Variants in IMMP1L observed in about 807,000 individuals in gnomAD.
The protein encoded by IMMP1L is mitochondrial inner membrane protease subunit 1.
IMMP1L carries 24 observed loss-of-function variants against 21.8 expected under a neutral mutation model. The observed-to-expected ratio is 1.10, with a 90% CI of 0.80 to 1.55. The LOEUF is 1.55. Ranked by LOEUF, IMMP1L falls within the 40% of genes most tolerant of loss-of-function variation. The pLI, the probability that IMMP1L is intolerant of heterozygous loss-of-function variation, is 0.00. For synonymous variants in IMMP1L, 46 were observed against 62.8 expected (o/e 0.73, Z 1.26); for missense variants, 195 against 200.7 (o/e 0.97, Z 0.17).
chr11:31,448,706 TAC>T (rs1953625993), intron 4 of IMMP1L, among the ~76,000 whole-genome samples: 1 of 152,290 alleles, frequency 6.6e-6, no homozygotes, highest in Non-Finnish European at 1.5e-5. Flanking sequence ...TTCAAACATA[TAC>T]ATATAAAATA....
intron 4 of IMMP1L, among the ~76,000 whole-genome samples, chr11:31,451,305 T>C (rs142333157): frequency 0.01 from 1,581 of 152,028 alleles, 69 homozygotes; most frequent in Admixed American, 0.082. Context: ...GAGAGTATAA[T>C]GGAAAGGGTA....
chr11:31,477,168 CAA>C (rs1455264268), intron 1 of IMMP1L: 1 of 152,022 alleles, frequency 6.6e-6, no homozygotes, highest in African/African-American at 2.4e-5. Context: ...CTGAAGCAGT[CAA>C]AAACAGGTAA....
chr11:31,465,084 C>T (rs1272206134), intron 1 of IMMP1L, among the ~76,000 whole-genome samples: 1 of 152,032 alleles, frequency 6.6e-6, no homozygotes, highest in Non-Finnish European at 1.5e-5. Flanking sequence ...TAAATGAATT[C>T]AATATAGTTG....
At chr11:31,504,943 G>T (rs1398749833) in intron 1 of IMMP1L, among the ~76,000 whole-genome samples, 3 of 152,222 alleles carry the variant, frequency 2.0e-5, no homozygotes, top group African/African-American at 7.2e-5. Flanking sequence ...CAGGAAGGAG[G>T]CAAAAAAGGA....
chr11:31,459,608 T>G lies in IMMP1L; in HGVS notation c.194+1018A>C, dbSNP rs1954068639. Reference sequence around the variant, plus strand: ...CACTTGAAATAGGATTTTTTATCATTATTATTTTTTTGTGAGATGGAGTCT... The same window carrying G: ...CACTTGAAATAGGATTTTTTATCATGATTATTTTTTTGTGAGATGGAGTCT... On this transcript the variant is annotated intron_variant, in intron 3 of 5. Transcript: ENST00000532287. Among the ~76,000 whole-genome samples, 3 of 152,148 alleles carry G rather than the reference T, an allele frequency of 2.0e-5. 1 individual carries two copies. The East Asian group carries it at 5.8e-4, about 29-fold the overall frequency.
intron 4 of IMMP1L, among the ~76,000 whole-genome samples, chr11:31,445,843 T>A (rs1953500306): frequency 6.6e-6 from 1 of 151,872 alleles, no homozygotes; most frequent in South Asian, 2.1e-4. Flanking sequence ...TAGCTGAAGA[T>A]CTTTAAAAAG....
At chr11:31,506,452 G>A (rs895018711) in intron 1 of IMMP1L, among the ~76,000 whole-genome samples, 2 of 151,450 alleles carry the variant, frequency 1.3e-5, no homozygotes, top group Non-Finnish European at 2.9e-5. Context: ...GGAAGGTCTC[G>A]ATCTTCTGAC....
At chr11:31,475,642 T>G (rs1028116272) in intron 1 of IMMP1L, among the ~76,000 whole-genome samples, 8 of 152,214 alleles carry the variant, frequency 5.3e-5, no homozygotes, top group Non-Finnish European at 5.9e-5. Flanking sequence ...CCCTTAAGTC[T>G]TACTGACATC....
chr11:31,471,839 A>G (rs1165076633), intron 1 of IMMP1L, among the ~76,000 whole-genome samples: 2 of 152,234 alleles, frequency 1.3e-5, no homozygotes, highest in Non-Finnish European at 2.9e-5. Context: ...ACACATATTT[A>G]TAATCTTACA....
At chr11:31,499,480 T>C (rs1592046271) in intron 1 of IMMP1L, among the ~76,000 whole-genome samples, 1 of 152,258 alleles carries the variant, frequency 6.6e-6, no homozygotes, top group South Asian at 2.1e-4. Context: ...ACTAGAGATT[T>C]TGAAGAATTT....
chr11:31,473,216 A>AT (rs59723276), intron 1 of IMMP1L, among the ~76,000 whole-genome samples: 1 of 151,910 alleles, frequency 6.6e-6, no homozygotes, highest in African/African-American at 2.4e-5. Flanking sequence ...CGCCCGGCTA[A>AT]TTTTTTGTAT....
chr11:31,439,149 T>A (rs1462088031), intron 4 of IMMP1L, among the ~76,000 whole-genome samples: 1 of 152,138 alleles, frequency 6.6e-6, no homozygotes, highest in Non-Finnish European at 1.5e-5. Context: ...ACTTCTTGGA[T>A]CTCTGATTCA....
chr11:31,474,924 G>C lies in IMMP1L; in HGVS notation c.-29-11619C>G, dbSNP rs1298730702. On this transcript the variant is annotated intron_variant, in intron 1 of 5. Transcript: ENST00000532287. ...AGAGCTAATGAAAGAGAATCTCTGGGAACCCGGCTGCAGATTCTATAGTTT... is the reference window on the plus strand; with the variant it reads ...AGAGCTAATGAAAGAGAATCTCTGGCAACCCGGCTGCAGATTCTATAGTTT... Among the ~76,000 whole-genome samples the C allele has an allele frequency of 2.6e-5, 4 of 152,144 alleles. No homozygotes were observed. The East Asian group carries it at 7.7e-4, about 29-fold the overall frequency.
At chr11:31,452,735 C>CA in intron 4 of IMMP1L, 1 of 1,017,874 alleles carries the variant, frequency 9.8e-7, no homozygotes, top group South Asian at 3.8e-5. Flanking sequence ...ATAAGGAAAG[C>CA]AAACAGCATC....
At chr11:31,479,915 G>A (rs1262102602) in intron 1 of IMMP1L, among the ~76,000 whole-genome samples, 1 of 151,946 alleles carries the variant, frequency 6.6e-6, no homozygotes, top group East Asian at 1.9e-4. Flanking sequence ...ATAAAATCCT[G>A]TCATTTTAGC....
intron 4 of IMMP1L, among the ~76,000 whole-genome samples, chr11:31,437,873 C>T (rs77447088): frequency 6.6e-6 from 1 of 152,092 alleles, no homozygotes; most frequent in Non-Finnish European, 1.5e-5. Context: ...TGTCTGCCTT[C>T]TTTTGCTTAG....
chr11:31,470,588 T>C (rs192787920), intron 1 of IMMP1L, among the ~76,000 whole-genome samples: 12 of 152,150 alleles, frequency 7.9e-5, no homozygotes, highest in African/African-American at 2.4e-4. Flanking sequence ...CACTAAAAAA[T>C]AGAACTACCA....
Position 31,460,649 on chromosome 11 carries a change from A to G in IMMP1L, c.171T>C (p.Ser57=). 6.2e-7 allele frequency: 1 copy of G among 1,608,708 alleles called. No individual in the cohort carries two copies. The highest frequency in any genetic ancestry group is 8.5e-7 in the Non-Finnish European group (1 of 1,175,406). ...NSDIVFAENL[S]RHFYGIQRGD... is the part of the protein sequence containing the mutation. ...ACCTTTGGATACCATAAAAATGTCG[A>G]CTAAGATTTTCTGCAAAGACAATAT... Residue 57 remains serine (S), a synonymous_variant, in exon 3 of 6, where the codon AGT becomes AGC. Transcript: ENST00000532287.
At chr11:31,457,011 A>G (rs1474326201) in intron 3 of IMMP1L, among the ~76,000 whole-genome samples, 1 of 151,856 alleles carries the variant, frequency 6.6e-6, no homozygotes, top group African/African-American at 2.4e-5. Context: ...AAGTAAATAA[A>G]TATTGCGGTC....
Sources: gnomAD v4.1 joint callset for allele counts (sites outside exome capture counted in the v4.1 genomes callset) on GRCh38, gnomAD v4.1.1 for gene constraint, MANE v1.5 for transcripts, NCBI Gene and HGNC (gene_info 2026-07-23, HGNC 2026-07-21) for gene names.